The following MIDEAS variants were observed in gnomAD, a reference collection of about 807,000 sequenced individuals.
The protein encoded by MIDEAS is mitotic deacetylase-associated SANT domain protein.
A neutral mutation model predicts 102.7 loss-of-function variants in MIDEAS; 26 were observed. That is an observed-to-expected ratio of 0.25 (90% CI 0.19 to 0.35). The LOEUF (loss-of-function observed/expected upper bound fraction) is 0.35, where lower values mean the gene tolerates loss of function less well. Ranked by LOEUF, MIDEAS falls within the 10% of genes least tolerant of loss-of-function variation. The probability of loss-of-function intolerance (pLI) is 1.00; values close to 1 mark genes in which losing one functional copy is unlikely to be tolerated. For synonymous variants in MIDEAS, 585 were observed against 591.0 expected (o/e 0.99, Z 0.15); for missense variants, 1,231 against 1,435.6 (o/e 0.86, Z 2.30).
chr14:73,745,509 C>A (rs2053339944), intron 1 of MIDEAS, among the ~76,000 whole-genome samples: 1 of 152,214 alleles, frequency 6.6e-6, no homozygotes, highest in South Asian at 2.1e-4. Flanking sequence ...GCCACCCCCA[C>A]CAGAGGAGCA....
rs1463702927 is a variant in MIDEAS, at chr14:73,726,055, C to A, written c.2463G>T (p.Pro821=). The change falls in exon 8 of 13, where the codon CCG becomes CCT. Residue 821 remains proline (P), a synonymous_variant. Transcript: ENST00000423556. ...LKKPLRPHNH[P]LATYHYTGSD... Reference sequence around the variant, plus strand: ...CACCTGTGTAGTGATAAGTTGCCAGCGGATGGTTGTGGGGCCGCAGGGGCT... The same window carrying A: ...CACCTGTGTAGTGATAAGTTGCCAGAGGATGGTTGTGGGGCCGCAGGGGCT... 3.8e-6 allele frequency: 6 copies of A among 1,598,746 alleles called. No homozygotes were observed. The highest frequency in any genetic ancestry group is 2.3e-5 in the East Asian group (1 of 44,426).
chr14:73,731,865 TGAAA>T (rs2053143940), intron 3 of MIDEAS, among the ~76,000 whole-genome samples: 2 of 152,166 alleles, frequency 1.3e-5, no homozygotes, highest in South Asian at 2.1e-4. Flanking sequence ...CTTTTATGCA[TGAAA>T]GAAAGTATCT....
chr14:73,719,226 C>CCG, intron 12 of MIDEAS, 79 bp downstream of exon 12: 4 of 1,433,270 alleles, frequency 2.8e-6, no homozygotes, highest in African/African-American at 1.4e-5. Context: ...ACCTCTTCCC[C>CCG]CTCCCCTCCA....
chr14:73,726,874 T>A lies in MIDEAS; in HGVS notation c.2261A>T (p.Gln754Leu), dbSNP rs371894733. 127 of 1,612,706 alleles carry A rather than the reference T, an allele frequency of 7.9e-5. No individual in the cohort carries two copies. The highest frequency in any genetic ancestry group is 1.0e-4 in the Non-Finnish European group (122 of 1,178,954). ...GCTGCTCTCTAGGTCCTCCCATGGC[T>A]GCCACACCAAGTCAGCCTTGTGGGG... The part of the protein sequence containing the change: ...ADPHKADLVW[Q>L]PWEDLESSRE... Residue 754 changes from glutamine (Q) to leucine (L), a missense_variant, in exon 6 of 13, where the codon CAG (glutamine) becomes CTG (leucine). By Grantham distance (113) the Gln-to-Leu change is moderately radical (BLOSUM62 -2). Around this residue, in one of 5 missense-constraint regions of MIDEAS, gnomAD observed 391 missense variants for 483.0 expected, o/e 0.81. Transcript: ENST00000423556.
chr14:73,738,521 C>A, intron 2 of MIDEAS, 39 bp downstream of exon 2: 1 of 1,479,556 alleles, frequency 6.8e-7, no homozygotes, highest in Non-Finnish European at 9.0e-7. Flanking sequence ...CAGCCTGATG[C>A]CCTCTGCCAG....
rs761889883 is a variant in MIDEAS at position 73,721,435 on chromosome 14, C to T, written c.2799G>A (p.Arg933=). 2 of 1,614,060 alleles carry T rather than the reference C, an allele frequency of 1.2e-6. No individual in the cohort carries two copies. Among genetic ancestry groups the T allele is most frequent in the African/African-American group, 2.7e-5 (2 of 74,914 alleles). ...CCTCCTTCCTGGGCTCCTTCACCTC[C>T]CTCTTGGGCTCCAGCCTCTCTTCAC... The part of the protein sequence containing the change: ...SPSEERLEPK[R]EVKEPRKEGE... Residue 933 remains arginine, a synonymous_variant, in exon 11 of 13, where the codon AGG becomes AGA. Coordinates refer to ENST00000423556, the MANE Select transcript of MIDEAS (RefSeq NM_001367710.1).
Position 73,718,804 on chromosome 14 carries a change from G to A in MIDEAS, c.*39C>T. ...GCGGGCGCTGGCGGCGGTGCGGGAA[G>A]GGCCGAGGCCCAGGACTGGGCCAGC... On this transcript the variant is annotated 3_prime_UTR_variant, in exon 13 of 13. Transcript: ENST00000423556. The A allele has an allele frequency of 7.3e-7, 1 of 1,362,924 alleles. No homozygotes were observed. Among genetic ancestry groups the A allele is most frequent in the South Asian group, 1.7e-5 (1 of 57,372 alleles). The allele number at this position is 1,362,924 out of a possible 1,614,324, so 84.4% of individuals were successfully genotyped here.
intron 1 of MIDEAS, among the ~76,000 whole-genome samples, chr14:73,767,166 T>G (rs550604468): frequency 1.3e-5 from 2 of 152,338 alleles, no homozygotes; most frequent in African/African-American, 4.8e-5. Context: ...CTTTCTTAGC[T>G]GTATATAAAA....
intron 1 of MIDEAS, among the ~76,000 whole-genome samples, chr14:73,745,371 C>A (rs183259962): frequency 6.6e-6 from 1 of 152,348 alleles, no homozygotes; most frequent in East Asian, 1.9e-4. Context: ...CTTTTCTAGG[C>A]TTCTACCCCC....
At position 73,756,544 on chromosome 14, in the gene MIDEAS, AAAGAAGCAATTCCTCCAACAGAATGCG is replaced by A. The variant is rs1468498297; in HGVS notation, c.-248+3192_-248+3218del. Among the ~76,000 whole-genome samples the A allele has an allele frequency of 3.3e-5, 5 of 152,182 alleles. No individual in the cohort carries two copies. The South Asian group carries it at 6.2e-4, about 19-fold the overall frequency. On this transcript the variant is annotated intron_variant, in intron 1 of 12. Transcript: ENST00000423556. ...CAGAGTCAAGAGTTCTCATGTGCAG[AAAGAAGCAATTCCTCCAACAGAATGCG>A]GCCACTGGCTCTGCTTCCTGCCACC...
intron 1 of MIDEAS, among the ~76,000 whole-genome samples, chr14:73,756,267 AGTGT>A (rs772519833): frequency 0.013 from 1,814 of 141,116 alleles, 43 homozygotes; most frequent in African/African-American, 0.042. Flanking sequence ...AGCCCATGTC[AGTGT>A]GTGTGTGTGT....
chr14:73,779,573 AT>A (rs1322412292), intron 1 of MIDEAS, among the ~76,000 whole-genome samples: 7 of 119,992 alleles, frequency 5.8e-5, no homozygotes, highest in Non-Finnish European at 8.5e-5. Context: ...TATTATTATT[AT>A]TTTTTTTTTT....
Position 73,739,250 on chromosome 14 carries a change from TTGCTGCTGC to T in MIDEAS, c.750_758del (p.Gln251_Gln253del). On this transcript the variant is annotated inframe_deletion, in exon 2 of 13. Transcript: ENST00000423556. Reference sequence around the variant, plus strand: ...GCTGCTGCTGCTGCTGCTGCTGTGGTTGCTGCTGCTGCTGCTGCTTCTGTGGAGGGAAGG... The same window carrying T: ...GCTGCTGCTGCTGCTGCTGCTGTGGTTGCTGCTGCTTCTGTGGAGGGAAGG... 4.4e-6 allele frequency: 7 copies of T among 1,604,510 alleles called. No individual in the cohort carries two copies. The highest frequency in any genetic ancestry group is 1.1e-5 in the South Asian group (1 of 90,498).
chr14:73,749,773 G>A (rs1338070554), intron 1 of MIDEAS, among the ~76,000 whole-genome samples: 2 of 152,018 alleles, frequency 1.3e-5, no homozygotes, highest in Non-Finnish European at 2.9e-5. Flanking sequence ...TACAGGAAAC[G>A]AAGGTTAAAA....
chr14:73,762,738 T>C (rs2053564181), upstream of MIDEAS, among the ~76,000 whole-genome samples: 1 of 152,158 alleles, frequency 6.6e-6, no homozygotes, highest in Admixed American at 6.5e-5. Context: ...AGGTTGACCT[T>C]TCAGGGAAAT....
rs369321922 is a variant in MIDEAS at position 73,720,191 on chromosome 14, A to G, written c.2938-690T>C. 4.0e-5 allele frequency among the ~76,000 whole-genome samples: 6 copies of G among 151,372 alleles called. No individual in the cohort carries two copies. In the East Asian group the frequency reaches 1.2e-3, roughly 30 times the overall value. On this transcript the variant is annotated intron_variant, in intron 11 of 12. Coordinates refer to ENST00000423556, the MANE Select transcript of MIDEAS (RefSeq NM_001367710.1). ...GAAGTGGGCACACAGCCGTGTGTTT[A>G]CAGTTTATGGGAGCTCTGTAAGCAT...
chr14:73,776,614 C>T lies in MIDEAS; in HGVS notation c.-248+10488G>A, dbSNP rs577092633. Among the ~76,000 whole-genome samples, 9 of 151,982 alleles carry T rather than the reference C, an allele frequency of 5.9e-5. 1 individual carries two copies. In the South Asian group the frequency reaches 1.9e-3, roughly 32 times the overall value. On this transcript the variant is annotated intron_variant, in intron 1 of 11. Coordinates refer to the MIDEAS transcript ENST00000394071. ...CCTCTTCCCACATCCAGAACAGCCCCATCATCCCAGTTTGAAGGCTAGAAT... is the reference window on the plus strand; with the variant it reads ...CCTCTTCCCACATCCAGAACAGCCCTATCATCCCAGTTTGAAGGCTAGAAT...
rs139662220 is a variant in MIDEAS, at chr14:73,737,273, G to T, written c.1474C>A (p.Arg492=). The change falls in exon 3 of 13, where the codon CGG becomes AGG. Residue 492 remains arginine, a synonymous_variant. Coordinates refer to ENST00000423556, the MANE Select transcript of MIDEAS (RefSeq NM_001367710.1). ...AKDGSGSEEK[R]KSVLASTTKC... is the part of the protein sequence containing the mutation. ...GTAGTTGAGGCCAATACACTTTTCC[G>T]CTTCTCTTCAGAACCACTGCCATCC... The T allele has an allele frequency of 1.9e-6, 3 of 1,611,872 alleles. No individual in the cohort carries two copies. In the East Asian group the frequency reaches 6.7e-5, roughly 36 times the overall value.
At chr14:73,734,690 C>T (rs371295479) in intron 3 of MIDEAS, among the ~76,000 whole-genome samples, 9 of 152,164 alleles carry the variant, frequency 5.9e-5, no homozygotes, top group African/African-American at 2.2e-4. Context: ...CTTGGCCCCC[C>T]CAAAGTGCTG....
Sources: gnomAD v4.1 joint callset for allele counts (sites outside exome capture counted in the v4.1 genomes callset) on GRCh38, gnomAD v4.1.1 for gene constraint, gnomAD v4.1.1 regional missense constraint, MANE v1.5 for transcripts, NCBI Gene and HGNC (gene_info 2026-07-23, HGNC 2026-07-21) for gene names.